Variants in LUZP2 observed in about 807,000 individuals in gnomAD.
LUZP2 encodes leucine zipper protein 2.
LUZP2 carries 52 observed loss-of-function variants against 51.6 expected under a neutral mutation model. That is an observed-to-expected ratio of 1.01 (90% CI 0.81 to 1.27). LUZP2 has a LOEUF of 1.27. Among genes scored for constraint, LUZP2 ranks in the 50% most tolerant of loss-of-function variants. The pLI, the probability that LUZP2 is intolerant of heterozygous loss-of-function variation, is 0.00. For synonymous variants in LUZP2, 154 were observed against 137.3 expected (o/e 1.12, Z -0.85); for missense variants, 436 against 395.4 (o/e 1.10, Z -0.87).
rs1347148223 is a variant in LUZP2 at position 24,891,589 on chromosome 11, C to G, written c.397-14402C>G. ...GTTGTTGATTGAAGAAAAAGAAGTT[C>G]CAGACTAATAAAGGTGACGGGCTTC... On this transcript the variant is annotated intron_variant, in intron 5 of 11. Coordinates refer to ENST00000336930, the MANE Select transcript of LUZP2 (RefSeq NM_001009909.4). The G allele has an allele frequency of 3.7e-5, 30 of 810,290 alleles. No homozygotes were observed. In the South Asian group the frequency reaches 1.6e-3, roughly 43 times the overall value. The allele number at this position is 810,290 out of a possible 1,614,324, so 50.2% of individuals were successfully genotyped here.
chr11:24,772,769 A>G (rs1848783358), intron 5 of LUZP2, among the ~76,000 whole-genome samples: 1 of 152,110 alleles, frequency 6.6e-6, no homozygotes. Flanking sequence ...TCTCCTGGCA[A>G]TCCATGTCAC....
intron 1 of LUZP2, among the ~76,000 whole-genome samples, chr11:24,548,474 C>G: frequency 6.6e-6 from 1 of 152,052 alleles, no homozygotes; most frequent in African/African-American, 2.4e-5. Context: ...AACACCTGTT[C>G]TCACTTATAA....
At chr11:24,716,340 G>A (rs1858041969) in intron 1 of LUZP2, among the ~76,000 whole-genome samples, 1 of 152,144 alleles carries the variant, frequency 6.6e-6, no homozygotes. Context: ...ACTCTTGGAG[G>A]ATCTTTTCAT....
intron 4 of LUZP2, among the ~76,000 whole-genome samples, chr11:24,761,576 C>A (rs538982728): frequency 6.6e-6 from 1 of 152,256 alleles, no homozygotes; most frequent in East Asian, 1.9e-4. Context: ...GTGGGCCACT[C>A]ACCTCTGGGC....
chr11:24,769,242 TAGA>T (rs541306914), intron 5 of LUZP2, among the ~76,000 whole-genome samples: 7 of 151,664 alleles, frequency 4.6e-5, no homozygotes, highest in Non-Finnish European at 7.4e-5. Flanking sequence ...AAGCAGGGAG[TAGA>T]AGGAGATGGA....
At chr11:24,711,480 A>T (rs555190520) in intron 1 of LUZP2, among the ~76,000 whole-genome samples, 2 of 150,614 alleles carry the variant, frequency 1.3e-5, no homozygotes, top group African/African-American at 4.9e-5. Context: ...TAAATAAATA[A>T]ATAAATAAAT....
At chr11:24,747,940 G>A (rs1859440239) in intron 4 of LUZP2, among the ~76,000 whole-genome samples, 1 of 152,080 alleles carries the variant, frequency 6.6e-6, no homozygotes, top group Admixed American at 6.6e-5. Context: ...ATTTCCAGGT[G>A]GTAGGTGAGC....
At chr11:24,687,494 CACTAAGGTT>C (rs1856931383) in intron 1 of LUZP2, among the ~76,000 whole-genome samples, 1 of 152,118 alleles carries the variant, frequency 6.6e-6, no homozygotes, top group Non-Finnish European at 1.5e-5. Flanking sequence ...CCGTTTTACA[CACTAAGGTT>C]TAGAGAGGTT....
At chr11:24,986,107 A>G (rs571613346) in intron 9 of LUZP2, among the ~76,000 whole-genome samples, 6 of 151,846 alleles carry the variant, frequency 4.0e-5, no homozygotes, top group South Asian at 2.1e-4. Flanking sequence ...ATTGCAAAAA[A>G]TAGAGCATGC....
intron 5 of LUZP2, among the ~76,000 whole-genome samples, chr11:24,783,014 A>C (rs1849136656): frequency 6.6e-6 from 1 of 152,078 alleles, no homozygotes; most frequent in South Asian, 2.1e-4. Context: ...GAGGCACTCA[A>C]ATTTTCCTCT....
chr11:24,981,798 A>G (rs1238165397), intron 8 of LUZP2, among the ~76,000 whole-genome samples: 1 of 151,916 alleles, frequency 6.6e-6, no homozygotes, highest in Non-Finnish European at 1.5e-5. Flanking sequence ...AAAGATGGCA[A>G]GTTTCATCAA....
chr11:24,518,237 T>G (rs1850539939), intron 1 of LUZP2, among the ~76,000 whole-genome samples: 1 of 152,206 alleles, frequency 6.6e-6, no homozygotes, highest in African/African-American at 2.4e-5. Flanking sequence ...TTAGCTAAGT[T>G]AAGAGACTTG....
At chr11:24,598,930 G>T (rs1016951922) in intron 1 of LUZP2, among the ~76,000 whole-genome samples, 3 of 152,008 alleles carry the variant, frequency 2.0e-5, no homozygotes, top group Non-Finnish European at 4.4e-5. Flanking sequence ...GAAATCTCTG[G>T]GTCTATTCAA....
At chr11:24,572,525 A>G (rs929086779) in intron 1 of LUZP2, among the ~76,000 whole-genome samples, 1 of 151,970 alleles carries the variant, frequency 6.6e-6, no homozygotes, top group Non-Finnish European at 1.5e-5. Flanking sequence ...GGAGAATTCT[A>G]TTTCTAATGT....
chr11:24,801,016 C>T (rs547027757), intron 5 of LUZP2, among the ~76,000 whole-genome samples: 76 of 152,216 alleles, frequency 5.0e-4, no homozygotes, highest in Admixed American at 1.4e-3. Flanking sequence ...TTTCACGTTA[C>T]ATCATGAAGC....
At chr11:24,735,999 A>G (rs1858923083) in intron 3 of LUZP2, among the ~76,000 whole-genome samples, 1 of 152,028 alleles carries the variant, frequency 6.6e-6, no homozygotes, top group Non-Finnish European at 1.5e-5. Flanking sequence ...AGAAGGCAGA[A>G]GGAGAGATGA....
intron 7 of LUZP2, among the ~76,000 whole-genome samples, chr11:24,973,726 A>T (rs941587920): frequency 2.0e-5 from 3 of 152,020 alleles, no homozygotes; most frequent in African/African-American, 7.2e-5. Context: ...TACAATTTCT[A>T]TGTAGTTTTG....
chr11:24,640,143 A>G (rs1453931027), intron 1 of LUZP2, among the ~76,000 whole-genome samples: 1 of 151,828 alleles, frequency 6.6e-6, no homozygotes, highest in African/African-American at 2.4e-5. Flanking sequence ...GAGAAAAACA[A>G]CTCTGGGTTG....
At chr11:24,966,912 T>A (rs551678240) in intron 7 of LUZP2, among the ~76,000 whole-genome samples, 1 of 148,104 alleles carries the variant, frequency 6.8e-6, no homozygotes, top group African/African-American at 2.4e-5. Flanking sequence ...TATATATATA[T>A]AATATATGAT....
Sources: allele counts gnomAD v4.1 joint callset (sites outside exome capture counted in the v4.1 genomes callset), GRCh38; gene constraint gnomAD v4.1.1; transcripts MANE v1.5; gene names NCBI Gene and HGNC (gene_info 2026-07-23, HGNC 2026-07-21).